Variants in PCYT1A observed in about 807,000 individuals in gnomAD.
PCYT1A encodes phosphate cytidylyltransferase 1A, choline.
In PCYT1A, 25 loss-of-function variants were observed where a neutral mutation model predicts 43.7. The observed-to-expected ratio is 0.57, with a 90% CI of 0.42 to 0.80. The LOEUF is 0.80. PCYT1A is among the 30% of genes least tolerant of loss of function. PCYT1A has a pLI of 0.00. For missense variants in PCYT1A, 421 were observed against 474.2 expected (o/e 0.89, Z 1.04); for synonymous variants, 172 against 170.7 (o/e 1.01, Z -0.06).
intron 3 of PCYT1A, among the ~76,000 whole-genome samples, chr3:196,254,692 C>T (rs527759789): frequency 5.9e-5 from 9 of 152,242 alleles, no homozygotes; most frequent in Admixed American, 3.9e-4. Flanking sequence ...TGCTCAAAAC[C>T]GTCCTGATTT....
At chr3:196,254,216 C>T (rs1303883381) in intron 3 of PCYT1A, among the ~76,000 whole-genome samples, 7 of 151,038 alleles carry the variant, frequency 4.6e-5, no homozygotes, top group East Asian at 1.9e-4. Flanking sequence ...TTAGTAGAGA[C>T]GGGGTTTCAC....
In PCYT1A at chr3:196,237,912, C is replaced by G. The variant is rs1160862609; in HGVS notation, c.*776G>C. On this transcript the variant is annotated 3_prime_UTR_variant, in exon 9 of 9. Transcript: ENST00000431016. ...TCGAAGGTAGATGGCACGAAAGAGA[C>G]TGACAAAAGCTCCCAAAGAACTGGG... 6.6e-6 allele frequency: 1 copy of G among 152,244 alleles called. No individual in the cohort carries two copies. Among genetic ancestry groups the G allele is most frequent in the Non-Finnish European group, 1.5e-5 (1 of 68,058 alleles). The allele number at this position is 152,244 out of a possible 1,614,324, so 9.4% of individuals were successfully genotyped here. A position where few individuals can be genotyped will look rare whatever the true frequency, so the allele number is the denominator to read the frequency against.
intron 3 of PCYT1A, among the ~76,000 whole-genome samples, chr3:196,248,902 G>A (rs1372123951): frequency 2.6e-5 from 4 of 151,756 alleles, no homozygotes; most frequent in Non-Finnish European, 5.9e-5. Flanking sequence ...AACTACAGGC[G>A]CCCACCACCA....
At chr3:196,276,572 C>T (rs1725596940) in intron 1 of PCYT1A, among the ~76,000 whole-genome samples, 2 of 150,858 alleles carry the variant, frequency 1.3e-5, no homozygotes, top group Non-Finnish European at 1.5e-5. Context: ...CACTGCACTC[C>T]AGCCTGGGCA....
At chr3:196,258,024 C>T (rs1033459880) in intron 2 of PCYT1A, 137 bp from the exon 3 acceptor site, 7 of 554,256 alleles carry the variant, frequency 1.3e-5, no homozygotes, top group Middle Eastern at 4.5e-4. Context: ...TCGTTATTCC[C>T]GCCTGTAATC....
intron 1 of PCYT1A, among the ~76,000 whole-genome samples, chr3:196,279,003 C>G (rs1255116389): frequency 1.5e-5 from 2 of 130,706 alleles, no homozygotes; most frequent in Non-Finnish European, 3.3e-5. Flanking sequence ...AAAAAAAAAG[C>G]TAGGCCAGGT....
At chr3:196,266,799 A>G (rs1273993034) in intron 2 of PCYT1A, among the ~76,000 whole-genome samples, 1 of 152,100 alleles carries the variant, frequency 6.6e-6, no homozygotes, top group African/African-American at 2.4e-5. Context: ...AGGCTAAGGC[A>G]GGAGAATCAC....
chr3:196,253,775 AG>A (rs562882414), intron 3 of PCYT1A, among the ~76,000 whole-genome samples: 19 of 152,298 alleles, frequency 1.2e-4, no homozygotes, highest in Admixed American at 1.2e-3. Flanking sequence ...AACGGCCAGA[AG>A]GGGTCACTGT....
At chr3:196,265,717 C>A (rs973740511) in intron 2 of PCYT1A, among the ~76,000 whole-genome samples, 1 of 151,862 alleles carries the variant, frequency 6.6e-6, no homozygotes, top group Admixed American at 6.6e-5. Flanking sequence ...GAGCCCAGGG[C>A]AACAGAGCAA....
rs779918737 is a variant in PCYT1A, at chr3:196,259,911, C to CTTTTTT, written c.118-2030_118-2025dup. Among the ~76,000 whole-genome samples the CTTTTTT allele has an allele frequency of 2.0e-4, 10 of 48,952 alleles. 2 individuals carry two copies. The highest frequency in any genetic ancestry group is 4.0e-4 in the African/African-American group (5 of 12,534). The allele number at this position is 48,952 out of a possible 152,430, so 32.1% of individuals were successfully genotyped here. A position where few individuals can be genotyped will look rare whatever the true frequency, so the allele number is the denominator to read the frequency against. On this transcript the variant is annotated intron_variant, in intron 2 of 8. Coordinates refer to ENST00000431016, the MANE Select transcript of PCYT1A (RefSeq NM_001312673.2). ...ACTTAATGATATAAATGGAAACATT[C>CTTTTTT]TTTTTTTTTTTTTTTTTTTTTTTTT...
At position 196,235,217 on chromosome 3, in the gene PCYT1A, C is replaced by T. The variant is rs1724127672; in HGVS notation, c.*3471G>A. 6.6e-6 allele frequency: 1 copy of T among 152,136 alleles called. No individual in the cohort carries two copies. Among genetic ancestry groups the T allele is most frequent in the Non-Finnish European group, 1.5e-5 (1 of 68,034 alleles). The allele number at this position is 152,136 out of a possible 1,614,324, so 9.4% of individuals were successfully genotyped here. A position where few individuals can be genotyped will look rare whatever the true frequency, so the allele number is the denominator to read the frequency against. Reference sequence around the variant, plus strand: ...GCCCTATGAACCACTGTGGAAAGAACATCTAGAGATGGTCTGACCAGCTGT... The same window carrying T: ...GCCCTATGAACCACTGTGGAAAGAATATCTAGAGATGGTCTGACCAGCTGT... On this transcript the variant is annotated 3_prime_UTR_variant, in exon 9 of 9. Transcript: ENST00000431016. This position sits in a 1 kb window ranked among gnomAD's most constrained non-coding sequence, Gnocchi z 4.3.
At chr3:196,248,780 G>A (rs371638887) in intron 3 of PCYT1A, among the ~76,000 whole-genome samples, 1 of 146,440 alleles carries the variant, frequency 6.8e-6, no homozygotes. Context: ...TTCTTGAGAC[G>A]GAATCTCGCT....
chr3:196,248,347 T>A, intron 3 of PCYT1A, 24 bp from the exon 4 acceptor site: 3 of 1,283,518 alleles, frequency 2.3e-6, no homozygotes, highest in East Asian at 2.3e-5. Context: ...AAAGAATTGA[T>A]CACAAAAATA....
chr3:196,245,286 C>T (rs1486198831), intron 5 of PCYT1A, among the ~76,000 whole-genome samples: 3 of 151,942 alleles, frequency 2.0e-5, no homozygotes, highest in Admixed American at 6.6e-5. Flanking sequence ...GGACTACAGG[C>T]GCATGTCACC....
intron 1 of PCYT1A, among the ~76,000 whole-genome samples, chr3:196,271,446 T>C (rs1725428863): frequency 1.3e-5 from 2 of 152,238 alleles, no homozygotes. Context: ...TTAGGGGTCT[T>C]GCTAGGTTGT....
intron 7 of PCYT1A, chr3:196,241,482 T>C: frequency 7.8e-7 from 1 of 1,284,228 alleles, no homozygotes; most frequent in Non-Finnish European, 1.0e-6. Flanking sequence ...CCCAGAAAAA[T>C]ATATAGAGTT....
At chr3:196,279,222 A>G (rs1354415291) in intron 1 of PCYT1A, among the ~76,000 whole-genome samples, 1 of 148,912 alleles carries the variant, frequency 6.7e-6, no homozygotes, top group Non-Finnish European at 1.5e-5. Flanking sequence ...CAAGAGACGG[A>G]GGCTGCAGTG....
At chr3:196,263,510 C>T (rs1474349241) in intron 2 of PCYT1A, among the ~76,000 whole-genome samples, 2 of 152,182 alleles carry the variant, frequency 1.3e-5, no homozygotes, top group African/African-American at 2.4e-5. Flanking sequence ...AGCCACTGTG[C>T]TTGGCCCAAT....
chr3:196,241,429 C>A, intron 7 of PCYT1A: 1 of 999,712 alleles, frequency 1.0e-6, no homozygotes, highest in Non-Finnish European at 1.4e-6. Flanking sequence ...CTCAAGCAGT[C>A]CTCCCGCCTC....
Sources: allele counts gnomAD v4.1 joint callset (sites outside exome capture counted in the v4.1 genomes callset), GRCh38; gene constraint gnomAD v4.1.1; non-coding constraint Gnocchi (gnomAD v3.1); transcripts MANE v1.5; gene names NCBI Gene and HGNC (gene_info 2026-07-23, HGNC 2026-07-21).